Variants in ATP7A observed in about 807,000 individuals in gnomAD.
The protein encoded by ATP7A is ATPase copper transporting alpha.
A neutral mutation model predicts 83.5 loss-of-function variants in ATP7A; 7 were observed. That is an observed-to-expected ratio of 0.08 (90% CI 0.05 to 0.16). The LOEUF is 0.16. Ranked by LOEUF, ATP7A falls within the 10% of genes least tolerant of loss-of-function variation. ATP7A has a pLI of 1.00. For synonymous variants in ATP7A, 354 were observed against 395.2 expected (o/e 0.90, Z 1.24); for missense variants, 940 against 1,120.8 (o/e 0.84, Z 2.30).
intron 14 of ATP7A, among the ~76,000 whole-genome samples, chrX:78,025,190 C>T (rs2077934862): frequency 9.0e-6 from 1 of 110,873 alleles, no homozygotes; most frequent in African/African-American, 3.3e-5. Context: ...GCTAAATGAT[C>T]ACACACAACA....
At position 78,011,463 on chromosome X, in the gene ATP7A, T is replaced by A; in HGVS notation, c.1961T>A (p.Phe654Tyr). ...TTCCATATAAGATGGAGACGGTCTT[T>A]TCTTGTGAGTCTGTTTTTCTGTATT... ...KREIRQWRRS[F>Y]LVSLFFCIPV... Residue 654 changes from phenylalanine to tyrosine, a missense_variant, in exon 9 of 23, where the codon TTT (phenylalanine) becomes TAT (tyrosine). Phe to Tyr is a conservative substitution (Grantham distance 22). Coordinates refer to ENST00000341514, the MANE Select transcript of ATP7A (RefSeq NM_000052.7). The A allele has an allele frequency of 8.3e-7, 1 of 1,210,559 alleles. No individual in the cohort carries two copies. The highest frequency in any genetic ancestry group is 1.1e-6 in the Non-Finnish European group (1 of 894,620).
Position 77,998,502 on chromosome X carries a change from T to C in ATP7A, c.1361T>C (p.Ile454Thr), listed in dbSNP as rs782655041. 1 of 1,210,193 alleles carries C rather than the reference T, an allele frequency of 8.3e-7. No homozygotes were observed. Among genetic ancestry groups the C allele is most frequent in the African/African-American group, 1.7e-5 (1 of 57,301 alleles). The stretch of plus-strand genomic sequence containing the variant: ...GACACGAATGAGCCGTTGGTAGTAA[T>C]AGCTCAGCCTTCATCGGAAATGCCG... ...LSDTNEPLVV[I>T]AQPSSEMPLL... is the part of the protein sequence containing the mutation. Residue 454 changes from isoleucine (I) to threonine (T), a missense_variant, in exon 5 of 23, where the codon ATA becomes ACA. By Grantham distance (89) the Ile-to-Thr change is moderately conservative (BLOSUM62 -1). Around this residue, in one of 3 missense-constraint regions of ATP7A, gnomAD observed 350 missense variants for 432.8 expected, o/e 0.81. Coordinates refer to ENST00000341514, the MANE Select transcript of ATP7A (RefSeq NM_000052.7).
chrX:78,011,681 G>A lies in ATP7A; in HGVS notation c.2172+7G>A. On this transcript the variant is annotated splice_region_variant and intron_variant, in intron 9 of 22. Coordinates refer to ENST00000341514, the MANE Select transcript of ATP7A (RefSeq NM_000052.7). ...ATTGTGTGTACCTGTACAGGCAAGTGAATTGTTAGCAAATATATTTGTTAA... is the reference window on the plus strand; with the variant it reads ...ATTGTGTGTACCTGTACAGGCAAGTAAATTGTTAGCAAATATATTTGTTAA... 8.3e-7 allele frequency: 1 copy of A among 1,199,604 alleles called. No individual in the cohort carries two copies. The highest frequency in any genetic ancestry group is 1.1e-6 in the Non-Finnish European group (1 of 884,819).
At position 78,030,879 on chromosome X, in the gene ATP7A, C is replaced by T. The variant is rs781971190; in HGVS notation, c.3112-521C>T. Among the ~76,000 whole-genome samples the T allele has an allele frequency of 1.3e-4, 14 of 108,989 alleles. No individual in the cohort carries two copies. In the South Asian group the frequency reaches 4.0e-3, roughly 31 times the overall value. 94.6% of individuals were successfully genotyped at this position (108,989 alleles called of 115,157 possible). A position where few individuals can be genotyped will look rare whatever the true frequency, so the allele number is the denominator to read the frequency against. On this transcript the variant is annotated intron_variant, in intron 15 of 22. Coordinates refer to ENST00000341514, the MANE Select transcript of ATP7A (RefSeq NM_000052.7). ...GCTAACTTTTTATTATTAGTAGAGA[C>T]GGGGTTTCACCATGTTGGCCAGGCT...
intron 12 of ATP7A, among the ~76,000 whole-genome samples, chrX:78,017,079 G>T (rs1378491771): frequency 8.9e-6 from 1 of 112,425 alleles, no homozygotes; most frequent in East Asian, 2.8e-4. Flanking sequence ...CTTCTGCCTG[G>T]GCATCCAGGC....
At chrX:78,001,385 A>C (rs948702687) in intron 5 of ATP7A, among the ~76,000 whole-genome samples, 2 of 111,812 alleles carry the variant, frequency 1.8e-5, no homozygotes, top group African/African-American at 6.5e-5. Context: ...TGATACAAAC[A>C]TGCAATGCAT....
chrX:77,923,078 T>C (rs891573165), intron 1 of ATP7A: 8 of 112,306 alleles, frequency 7.1e-5, no homozygotes, highest in Non-Finnish European at 1.3e-4. Context: ...TGGATTCAAA[T>C]CCAAGTCTGT....
In ATP7A at chrX:78,009,208, A is replaced by G. The variant is rs1020034878; in HGVS notation, c.1814A>G (p.His605Arg). 2 of 1,210,637 alleles carry G rather than the reference A, an allele frequency of 1.7e-6. No homozygotes were observed. Among genetic ancestry groups the G allele is most frequent in the Non-Finnish European group, 2.2e-6 (2 of 894,762 alleles). ...CSVALATNKA[H>R]IKYDPEIIGP... ...GTGGCCCTGGCAACCAACAAAGCAC[A>G]TATTAAATATGACCCAGAAATTATT... The change falls in exon 7 of 23, where the codon CAT (histidine) becomes CGT (arginine). Residue 605 changes from histidine to arginine, a missense_variant. Physicochemically the swap from His to Arg is conservative, Grantham distance 29. Coordinates refer to ENST00000341514, the MANE Select transcript of ATP7A (RefSeq NM_000052.7).
intron 4 of ATP7A, among the ~76,000 whole-genome samples, chrX:77,995,150 TGTAA>T (rs2077694244): frequency 8.9e-6 from 1 of 111,826 alleles, no homozygotes; most frequent in Admixed American, 9.5e-5. Context: ...ATTTTTTAAG[TGTAA>T]GTGTCAGTGC....
intron 12 of ATP7A, among the ~76,000 whole-genome samples, chrX:78,016,100 T>C (rs1329101324): frequency 1.8e-5 from 2 of 111,804 alleles, no homozygotes; most frequent in African/African-American, 6.5e-5. Context: ...AACTGGGTAA[T>C]TTATAAAGCC....
intron 14 of ATP7A, among the ~76,000 whole-genome samples, chrX:78,028,931 C>A (rs1386536052): frequency 8.0e-5 from 9 of 112,045 alleles, no homozygotes; most frequent in Admixed American, 7.6e-4. Flanking sequence ...TCTGTTTATT[C>A]AGTATCAAAT....
chrX:77,932,465 C>T (rs1197141684), intron 1 of ATP7A, among the ~76,000 whole-genome samples: 2 of 111,913 alleles, frequency 1.8e-5, no homozygotes, highest in Non-Finnish European at 3.8e-5. Flanking sequence ...AGACGATGGG[C>T]GGCCGGGCAG....
At chrX:78,045,597 T>C (rs1293450144) in intron 22 of ATP7A, 25 bp downstream of exon 22, 7 of 1,105,896 alleles carry the variant, frequency 6.3e-6, no homozygotes, top group Non-Finnish European at 8.8e-6. Context: ...TTGCTCACAT[T>C]TGTATTTTGT....
chrX:77,969,558 G>A (rs782463231), intron 1 of ATP7A: 7 of 1,210,239 alleles, frequency 5.8e-6, no homozygotes, highest in African/African-American at 1.7e-5. Context: ...TCAGATCGGC[G>A]TCGTACCAGC....
chrX:78,005,707 GAAA>G (rs1188783193), intron 6 of ATP7A, among the ~76,000 whole-genome samples: 1 of 65,491 alleles, frequency 1.5e-5, no homozygotes, highest in African/African-American at 5.7e-5. Flanking sequence ...AAAAAAAAAA[GAAA>G]AAAAAAGAAG....
At chrX:77,968,426 C>G (rs1490351715) in intron 1 of ATP7A, among the ~76,000 whole-genome samples, 1 of 112,250 alleles carries the variant, frequency 8.9e-6, no homozygotes, top group Non-Finnish European at 1.9e-5. Flanking sequence ...AGATTACATT[C>G]ATCTTCCACT....
At position 78,038,701 on chromosome X, in the gene ATP7A, A is replaced by G. The variant is rs1038430695; in HGVS notation, c.3512-135A>G. On this transcript the variant is annotated intron_variant, in intron 17 of 22. Coordinates refer to ENST00000341514, the MANE Select transcript of ATP7A (RefSeq NM_000052.7). ...GAGTATGTTCTTAGAAAATTTGAAC[A>G]TCACTGTTGGAGGCTATGTTCTAGG... is the stretch of plus-strand genomic sequence containing the variant. The G allele has an allele frequency of 9.7e-6, 7 of 718,852 alleles. No individual in the cohort carries two copies. The African/African-American group carries it at 1.5e-4, about 15-fold the overall frequency. The allele number at this position is 718,852 out of a possible 1,213,427, so 59.2% of individuals were successfully genotyped here. A position where few individuals can be genotyped will look rare whatever the true frequency, so the allele number is the denominator to read the frequency against.
chrX:78,030,010 AC>A (rs1178345571), intron 15 of ATP7A, among the ~76,000 whole-genome samples: 3 of 112,629 alleles, frequency 2.7e-5, no homozygotes, highest in Non-Finnish European at 5.6e-5. Context: ...TAAGCTATGT[AC>A]AGAGGTATAT....
chrX:77,958,785 GT>G lies in ATP7A; in HGVS notation c.-21-12816del, dbSNP rs1312033727. Among the ~76,000 whole-genome samples, 388 of 84,432 alleles carry G rather than the reference GT, an allele frequency of 4.6e-3. 1 individual carries two copies. The highest frequency in any genetic ancestry group is 0.014 in the African/African-American group (330 of 23,230). 73.3% of individuals were successfully genotyped at this position (84,432 alleles called of 115,157 possible). A position where few individuals can be genotyped will look rare whatever the true frequency, so the allele number is the denominator to read the frequency against. ...CAATTTCTTTCATCAATGTTTTATAGTTTTTTTTTTTTTTTTTTTTGGAGAC... is the reference window on the plus strand; with the variant it reads ...CAATTTCTTTCATCAATGTTTTATAGTTTTTTTTTTTTTTTTTTTGGAGAC... On this transcript the variant is annotated intron_variant, in intron 1 of 22. Coordinates refer to ENST00000341514, the MANE Select transcript of ATP7A (RefSeq NM_000052.7).
Sources: allele counts gnomAD v4.1 joint callset (sites outside exome capture counted in the v4.1 genomes callset), GRCh38; gene constraint gnomAD v4.1.1; regional missense constraint gnomAD v4.1.1; transcripts MANE v1.5; gene names NCBI Gene and HGNC (gene_info 2026-07-23, HGNC 2026-07-21).